Variants in MCCC2 observed in about 807,000 individuals in gnomAD.
MCCC2 encodes the protein methylcrotonoyl-CoA carboxylase beta chain, mitochondrial.
In MCCC2, 52 loss-of-function variants were observed where a neutral mutation model predicts 77.2. The observed-to-expected ratio is 0.67, with a 90% CI of 0.54 to 0.85. The LOEUF (loss-of-function observed/expected upper bound fraction) is 0.85. Ranked by LOEUF, MCCC2 falls within the 40% of genes least tolerant of loss-of-function variation. MCCC2 has a pLI of 0.00. For missense variants in MCCC2, 682 were observed against 703.2 expected, an observed-to-expected ratio of 0.97 and a Z score of 0.34; for synonymous variants, 253 against 248.4, an observed-to-expected ratio of 1.02 and a Z score of -0.18.
At chr5:71,610,967 G>A (rs906104841) in intron 6 of MCCC2, among the ~76,000 whole-genome samples, 1 of 151,884 alleles carries the variant, frequency 6.6e-6, no homozygotes, top group Non-Finnish European at 1.5e-5. Context: ...GCCTGGCGAC[G>A]AAGTGAGACT....
At chr5:71,590,648 C>T (rs1340483593) in intron 1 of MCCC2, among the ~76,000 whole-genome samples, 1 of 151,838 alleles carries the variant, frequency 6.6e-6, no homozygotes, top group Non-Finnish European at 1.5e-5. Context: ...GAAACCCTGT[C>T]TCCACTAAAA....
chr5:71,600,023 G>A (rs1201226400), intron 4 of MCCC2, among the ~76,000 whole-genome samples: 4 of 152,020 alleles, frequency 2.6e-5, no homozygotes, highest in Non-Finnish European at 5.9e-5. Context: ...AAAATAAGCC[G>A]GCATGGTGGC....
At chr5:71,587,659 T>C in intron 1 of MCCC2, 105 bp downstream of exon 1, 10 of 1,418,348 alleles carry the variant, frequency 7.1e-6, no homozygotes, top group Non-Finnish European at 9.5e-6. Context: ...GAGCCCCAGT[T>C]GATTCTGTGA....
At chr5:71,621,562 C>T (rs1045241058) in intron 6 of MCCC2, among the ~76,000 whole-genome samples, 11 of 152,182 alleles carry the variant, frequency 7.2e-5, no homozygotes, top group African/African-American at 2.6e-4. Flanking sequence ...CCACTGCACT[C>T]TAGCCTGGGC....
intron 3 of MCCC2, 123 bp downstream of exon 3, chr5:71,596,487 A>G (rs971138803): frequency 2.3e-6 from 2 of 884,292 alleles, no homozygotes; most frequent in African/African-American, 3.3e-5. Context: ...ACATGTGTTT[A>G]TTGAGAGCCT....
At chr5:71,607,481 G>A (rs1227573884) in intron 6 of MCCC2, among the ~76,000 whole-genome samples, 1 of 144,008 alleles carries the variant, frequency 6.9e-6, no homozygotes, top group East Asian at 2.0e-4. Flanking sequence ...TTCTTTATTA[G>A]TCTTGCTAGC....
intron 5 of MCCC2, 57 bp from the exon 6 acceptor site, chr5:71,604,299 T>C: frequency 7.0e-7 from 1 of 1,431,530 alleles, no homozygotes; most frequent in Non-Finnish European, 9.9e-7. Context: ...CAAGTTTCCC[T>C]CTGCGTAGCA....
chr5:71,647,742 C>T (rs983645544), intron 13 of MCCC2, among the ~76,000 whole-genome samples: 1 of 152,134 alleles, frequency 6.6e-6, no homozygotes, highest in African/African-American at 2.4e-5. Context: ...TAAGAACCCC[C>T]CTGAGAGAAG....
In MCCC2 at chr5:71,641,042, TTCAAAGCC is replaced by T; in HGVS notation, c.1041_1048del (p.Lys348LeufsTer29). 1 of 1,614,130 alleles carries T rather than the reference TTCAAAGCC, an allele frequency of 6.2e-7. No individual in the cohort carries two copies. The highest frequency in any genetic ancestry group is 8.5e-7 in the Non-Finnish European group (1 of 1,179,970). ...CGTGGATGGAAGCAGATTCACTGAG[TTCAAAGCC>T]TTTTATGGAGACACATTAGTTACAG... On this transcript the variant is annotated frameshift_variant, in exon 11 of 17. Coordinates refer to ENST00000340941, the MANE Select transcript of MCCC2 (RefSeq NM_022132.5). LOFTEE classifies it high-confidence loss of function.
intron 8 of MCCC2, among the ~76,000 whole-genome samples, chr5:71,633,254 G>C (rs1389521248): frequency 6.6e-6 from 1 of 150,978 alleles, no homozygotes; most frequent in Non-Finnish European, 1.5e-5. Context: ...GTGAGCCACT[G>C]CACCTGGACT....
chr5:71,649,008 T>A (rs1177255657), intron 13 of MCCC2, 89 bp from the exon 14 acceptor site: 11 of 1,442,972 alleles, frequency 7.6e-6, no homozygotes, highest in Non-Finnish European at 1.1e-5. Flanking sequence ...GTAAGATGAG[T>A]TTAGTAAAAC....
Position 71,656,832 on chromosome 5 carries a change from A to C in MCCC2, c.1664A>C (p.Lys555Thr). The change falls in exon 17 of 17, where the codon AAG (lysine) becomes ACG (threonine). Residue 555 changes from lysine to threonine, a missense_variant. Lys to Thr is a moderately conservative substitution (Grantham distance 78). Coordinates refer to ENST00000340941, the MANE Select transcript of MCCC2 (RefSeq NM_022132.5). ...GCAGCCCTCAACGCACCAATAGAGAAGACTGACTTCGGTATCTTCAGGATG... is the reference window on the plus strand; with the variant it reads ...GCAGCCCTCAACGCACCAATAGAGACGACTGACTTCGGTATCTTCAGGATG... ...FSAALNAPIE[K>T]TDFGIFRM is the part of the protein sequence containing the mutation. 1 of 1,614,094 alleles carries C rather than the reference A, an allele frequency of 6.2e-7. No individual in the cohort carries two copies. The highest frequency in any genetic ancestry group is 8.5e-7 in the Non-Finnish European group (1 of 1,179,920).
intron 5 of MCCC2, 58 bp from the exon 6 acceptor site, chr5:71,604,298 C>A: frequency 7.0e-7 from 1 of 1,421,890 alleles, no homozygotes; most frequent in Non-Finnish European, 9.9e-7. Context: ...ACAAGTTTCC[C>A]TCTGCGTAGC....
At position 71,587,512 on chromosome 5, in the gene MCCC2, C is replaced by T; in HGVS notation, c.87C>T (p.Ala29=). Residue 29 remains alanine, a synonymous_variant, in exon 1 of 17, where the codon GCC becomes GCT. Transcript: ENST00000340941. ...GPRAYHGDSV[A]SLGTQPDLGS... is the part of the protein sequence containing the mutation. Reference sequence around the variant, plus strand: ...GCGCCTATCACGGGGACTCGGTGGCCTCGCTGGGCACCCAGCCGGACTTGG... The same window carrying T: ...GCGCCTATCACGGGGACTCGGTGGCTTCGCTGGGCACCCAGCCGGACTTGG... 1.3e-6 allele frequency: 2 copies of T among 1,538,286 alleles called. No individual in the cohort carries two copies. The highest frequency in any genetic ancestry group is 8.7e-7 in the Non-Finnish European group (1 of 1,146,530).
intron 6 of MCCC2, among the ~76,000 whole-genome samples, chr5:71,626,117 A>G (rs558837467): frequency 6.6e-6 from 1 of 152,288 alleles, no homozygotes; most frequent in East Asian, 1.9e-4. Flanking sequence ...ACTTCAATAC[A>G]ATCGACTTTT....
At position 71,657,915 on chromosome 5, in the gene MCCC2, G is replaced by A. The variant is rs1430079012; in HGVS notation, c.*1055G>A. On this transcript the variant is annotated 3_prime_UTR_variant, in exon 17 of 17. Transcript: ENST00000340941. Reference sequence around the variant, plus strand: ...GTAGGTCTACTGGACATCTGTACTGGTTGTTGTGGAGGAACCTCTGGCTTG... The same window carrying A: ...GTAGGTCTACTGGACATCTGTACTGATTGTTGTGGAGGAACCTCTGGCTTG... 2 of 152,136 alleles carry A rather than the reference G, an allele frequency of 1.3e-5. No homozygotes were observed. 9.4% of individuals were successfully genotyped at this position (152,136 alleles called of 1,614,324 possible). A position where few individuals can be genotyped will look rare whatever the true frequency, so the allele number is the denominator to read the frequency against.
chr5:71,637,906 G>A (rs1376155757), intron 10 of MCCC2, among the ~76,000 whole-genome samples: 2 of 151,948 alleles, frequency 1.3e-5, no homozygotes, highest in Non-Finnish European at 2.9e-5. Context: ...TAGAGACGGG[G>A]TTTCACCGTA....
In MCCC2 at chr5:71,587,379, C is replaced by A. The variant is rs1324187545; in HGVS notation, c.-47C>A. ...CCAGGGAAGCGGCAGGGGAAAGCAC[C>A]GGCTCCAGGCCAGCGTGGGCCGCTC... On this transcript the variant is annotated 5_prime_UTR_variant, in exon 1 of 17. Coordinates refer to ENST00000340941, the MANE Select transcript of MCCC2 (RefSeq NM_022132.5). The A allele has an allele frequency of 1.3e-6, 2 of 1,526,226 alleles. No homozygotes were observed. Among genetic ancestry groups the A allele is most frequent in the Admixed American group, 2.0e-5 (1 of 50,336 alleles). The allele number at this position is 1,526,226 out of a possible 1,614,324, so 94.5% of individuals were successfully genotyped here. A position where few individuals can be genotyped will look rare whatever the true frequency, so the allele number is the denominator to read the frequency against.
At chr5:71,601,109 T>C (rs1371500113) in intron 4 of MCCC2, among the ~76,000 whole-genome samples, 1 of 152,168 alleles carries the variant, frequency 6.6e-6, no homozygotes, top group Non-Finnish European at 1.5e-5. Context: ...GCCAAAATAA[T>C]AGATGCTGGG....
Sources: allele counts gnomAD v4.1 joint callset (sites outside exome capture counted in the v4.1 genomes callset), GRCh38; gene constraint gnomAD v4.1.1; transcripts MANE v1.5; gene names NCBI Gene and HGNC (gene_info 2026-07-23, HGNC 2026-07-21).